The following KAZN variants were observed in gnomAD, a reference collection of about 807,000 sequenced individuals.
KAZN encodes the protein kazrin.
KAZN carries 40 observed loss-of-function variants against 87.4 expected under a neutral mutation model. The ratio of observed to expected loss-of-function variants is 0.46; its 90% CI spans 0.36 to 0.60. KAZN has a LOEUF of 0.60. Among genes scored for constraint, KAZN ranks in the 20% least tolerant of loss-of-function variants. KAZN has a pLI of 0.00. For synonymous variants in KAZN, 466 were observed against 458.3 expected, an observed-to-expected ratio of 1.02 and a Z score of -0.22; for missense variants, 898 against 1,073.9, an observed-to-expected ratio of 0.84 and a Z score of 2.29.
At chr1:15,090,612 G>T (rs543258042) in intron 8 of KAZN, among the ~76,000 whole-genome samples, 1 of 152,386 alleles carries the variant, frequency 6.6e-6, no homozygotes, top group South Asian at 2.1e-4. Context: ...CATGGCAACA[G>T]GAGGCCACTC....
chr1:14,915,496 A>G (rs1381157221), intron 1 of KAZN, among the ~76,000 whole-genome samples: 1 of 152,194 alleles, frequency 6.6e-6, no homozygotes, highest in East Asian at 1.9e-4. Flanking sequence ...TCCCAGAGCC[A>G]AGGGTCCCAC....
At chr1:13,955,886 A>G (rs1313929801) in intron 1 of KAZN, among the ~76,000 whole-genome samples, 2 of 152,158 alleles carry the variant, frequency 1.3e-5, no homozygotes, top group Non-Finnish European at 2.9e-5. Flanking sequence ...GGGGTGGGCC[A>G]TCTTCTCCAG....
At chr1:14,227,788 TAC>T (rs1297459670) in intron 2 of KAZN, among the ~76,000 whole-genome samples, 6 of 152,196 alleles carry the variant, frequency 3.9e-5, no homozygotes, top group Non-Finnish European at 5.9e-5. Context: ...TTCTATGAAT[TAC>T]ACAGTAGCTA....
At chr1:13,944,931 T>C (rs1641079170) in intron 1 of KAZN, among the ~76,000 whole-genome samples, 1 of 151,604 alleles carries the variant, frequency 6.6e-6, no homozygotes, top group Admixed American at 6.6e-5. Context: ...AAGAAAAAAA[T>C]CCAACACTAT....
intron 2 of KAZN, among the ~76,000 whole-genome samples, chr1:14,492,063 G>C (rs933928581): frequency 1.3e-5 from 2 of 152,126 alleles, no homozygotes; most frequent in Non-Finnish European, 2.9e-5. Flanking sequence ...GTGCTGGAAG[G>C]GGTACATTCA....
At chr1:14,808,986 AAAC>A (rs538302100) in intron 1 of KAZN, among the ~76,000 whole-genome samples, 103 of 152,252 alleles carry the variant, frequency 6.8e-4, no homozygotes, top group Middle Eastern at 3.4e-3. Context: ...GGTGGTGGTA[AAAC>A]AACAACAACA....
chr1:14,277,315 C>T (rs1652444784), intron 2 of KAZN, among the ~76,000 whole-genome samples: 2 of 152,170 alleles, frequency 1.3e-5, no homozygotes, highest in Non-Finnish European at 2.9e-5. Context: ...CTTTTTAAAA[C>T]ACAGCCACAA....
chr1:14,888,503 A>G (rs1366890587), intron 1 of KAZN, among the ~76,000 whole-genome samples: 3 of 152,054 alleles, frequency 2.0e-5, no homozygotes, highest in Non-Finnish European at 4.4e-5. Flanking sequence ...CAATACACAC[A>G]CTGGAAGGGG....
chr1:14,534,263 A>G (rs796645322), intron 2 of KAZN, among the ~76,000 whole-genome samples: 53 of 152,318 alleles, frequency 3.5e-4, no homozygotes, highest in African/African-American at 1.3e-3. Context: ...CTGTTGACAC[A>G]TGAATAGAAA....
At position 14,392,133 on chromosome 1, in the gene KAZN, C is replaced by A. The variant is rs1025172418; in HGVS notation, c.250-206850C>A. The stretch of plus-strand genomic sequence containing the variant: ...AAGATGTGAAAGCCAAAGGTGATAG[C>A]CTTTAAACGCAGTTTAAGCCTCTTT... On this transcript the variant is annotated intron_variant, in intron 2 of 16. Coordinates refer to the KAZN transcript ENST00000636203. Among the ~76,000 whole-genome samples the A allele has an allele frequency of 6.7e-4, 102 of 152,120 alleles. 1 individual carries two copies. The highest frequency in any genetic ancestry group is 6.6e-3 in the Admixed American group (101 of 15,268).
intron 2 of KAZN, among the ~76,000 whole-genome samples, chr1:14,590,982 G>A (rs1484027734): frequency 6.6e-6 from 1 of 152,202 alleles, no homozygotes. Flanking sequence ...AAGGCGGGAT[G>A]AGATCATTGA....
chr1:14,407,572 G>A lies in KAZN; in HGVS notation c.250-191411G>A, dbSNP rs1310784496. On this transcript the variant is annotated intron_variant, in intron 2 of 16. Transcript: ENST00000636203. ...GGGTATAAAATCAGACAGATCTGGG[G>A]TCAAGCCTCTCCCTGTCCACAACCT... Among the ~76,000 whole-genome samples, 4 of 152,146 alleles carry A rather than the reference G, an allele frequency of 2.6e-5. No individual in the cohort carries two copies. The East Asian group carries it at 7.7e-4, about 29-fold the overall frequency.
intron 2 of KAZN, among the ~76,000 whole-genome samples, chr1:14,337,434 C>T (rs1657349263): frequency 6.6e-6 from 1 of 152,150 alleles, no homozygotes; most frequent in African/African-American, 2.4e-5. Flanking sequence ...GTTTAGAACC[C>T]TGAATTTACA....
chr1:14,794,019 C>A (rs1215363156), intron 1 of KAZN, among the ~76,000 whole-genome samples: 2 of 152,154 alleles, frequency 1.3e-5, no homozygotes, highest in Non-Finnish European at 2.9e-5. Flanking sequence ...AGGTCCTGAC[C>A]TTTTGTTCAC....
chr1:14,182,409 C>T (rs1646216754), intron 2 of KAZN, among the ~76,000 whole-genome samples: 1 of 152,170 alleles, frequency 6.6e-6, no homozygotes, highest in Non-Finnish European at 1.5e-5. Flanking sequence ...GTCTTTTAAA[C>T]TAACAAAGGA....
At chr1:14,625,580 G>A (rs1291716260) in intron 1 of KAZN, among the ~76,000 whole-genome samples, 2 of 152,150 alleles carry the variant, frequency 1.3e-5, no homozygotes, top group Non-Finnish European at 2.9e-5. Context: ...TCTGTTTAAG[G>A]GGGAAAAAAA....
intron 2 of KAZN, among the ~76,000 whole-genome samples, chr1:14,345,846 T>G (rs1416631): frequency 0.079 from 11,962 of 152,124 alleles, 526 homozygotes; most frequent in East Asian, 0.17. Context: ...AATCAACACA[T>G]GGAGGGATAA....
At chr1:14,259,274 C>T (rs569118624) in intron 2 of KAZN, among the ~76,000 whole-genome samples, 1 of 152,054 alleles carries the variant, frequency 6.6e-6, no homozygotes, top group East Asian at 1.9e-4. Context: ...TGCACAGCTG[C>T]GAGCCTCTGA....
At chr1:15,078,897 T>C (rs1639876735) in intron 8 of KAZN, among the ~76,000 whole-genome samples, 1 of 152,222 alleles carries the variant, frequency 6.6e-6, no homozygotes, top group Non-Finnish European at 1.5e-5. Flanking sequence ...GTCTTCGTTC[T>C]GAAGGAAATT....
Sources: gnomAD v4.1 joint callset for allele counts (sites outside exome capture counted in the v4.1 genomes callset) on GRCh38, gnomAD v4.1.1 for gene constraint, MANE v1.5 for transcripts, NCBI Gene and HGNC (gene_info 2026-07-23, HGNC 2026-07-21) for gene names.